The following SNX18 variants were observed in gnomAD, a reference collection of about 807,000 sequenced individuals.
SNX18 encodes the protein sorting nexin 18.
In SNX18, 35 loss-of-function variants were observed where a neutral mutation model predicts 48.7. The observed-to-expected ratio is 0.72, with a 90% CI of 0.55 to 0.95. The LOEUF (loss-of-function observed/expected upper bound fraction) is 0.95, where lower values mean the gene tolerates loss of function less well. SNX18 is among the 40% of genes least tolerant of loss of function. SNX18 has a pLI of 0.00. For missense variants in SNX18, 824 were observed against 871.0 expected (o/e 0.95, Z 0.68); for synonymous variants, 492 against 384.7 (o/e 1.28, Z -3.26).
the SNX18 span, among the ~76,000 whole-genome samples, chr5:54,597,859 G>T: frequency 0.011 from 1,739 of 152,056 alleles, 36 homozygotes; most frequent in African/African-American, 0.041. Context: ...AAACCCCAAA[G>T]CTAGCAGAAG....
chr5:54,558,463 G>A, the SNX18 span, among the ~76,000 whole-genome samples: 1 of 152,124 alleles, frequency 6.6e-6, no homozygotes, highest in Non-Finnish European at 1.5e-5. Context: ...TACAACCCAT[G>A]TTGAGGTAAC....
chr5:54,518,777 G>A lies in SNX18; in HGVS notation c.825G>A (p.Pro275=), dbSNP rs1177053488. 2 of 1,605,728 alleles carry A rather than the reference G, an allele frequency of 1.2e-6. No homozygotes were observed. The highest frequency in any genetic ancestry group is 1.3e-5 in the African/African-American group (1 of 74,744). Residue 275 remains proline (P), a synonymous_variant, in exon 1 of 2, where the codon CCG becomes CCA. Transcript: ENST00000381410. ...CCGAGTGGCAGGAGAACCCCTACCCGTTCCAGTGCACCATCGACGACCCCA... is the reference window on the plus strand; with the variant it reads ...CCGAGTGGCAGGAGAACCCCTACCCATTCCAGTGCACCATCGACGACCCCA... ...YGPEWQENPY[P]FQCTIDDPTK...
intron 1 of SNX18, among the ~76,000 whole-genome samples, chr5:54,540,077 A>G (rs1195801324): frequency 6.6e-6 from 1 of 152,116 alleles, no homozygotes; most frequent in Non-Finnish European, 1.5e-5. Flanking sequence ...TCTAGTATGT[A>G]TGCTTAGGAA....
At chr5:54,585,937 G>A in the SNX18 span, among the ~76,000 whole-genome samples, 589 of 151,628 alleles carry the variant, frequency 3.9e-3, 2 homozygotes, top group African/African-American at 5.1e-3. Context: ...CCTGGGAGGC[G>A]GAGCTTGCAG....
At chr5:54,555,090 C>A in the SNX18 span, among the ~76,000 whole-genome samples, 1 of 152,212 alleles carries the variant, frequency 6.6e-6, no homozygotes. Context: ...TAAACTGTTT[C>A]CTCCGCTGGT....
At chr5:54,539,965 G>A (rs1190786099) in intron 1 of SNX18, among the ~76,000 whole-genome samples, 1 of 151,868 alleles carries the variant, frequency 6.6e-6, no homozygotes, top group African/African-American at 2.4e-5. Context: ...TCCGCCTCCC[G>A]GGTTGAAGTG....
At chr5:54,522,830 T>C (rs1762056209) in intron 1 of SNX18, among the ~76,000 whole-genome samples, 1 of 152,212 alleles carries the variant, frequency 6.6e-6, no homozygotes, top group Admixed American at 6.5e-5. Flanking sequence ...ACCCATTCTT[T>C]AAACTAATAA....
chr5:54,624,800 T>C, the SNX18 span, among the ~76,000 whole-genome samples: 213 of 152,232 alleles, frequency 1.4e-3, no homozygotes, highest in Non-Finnish European at 1.9e-3. Context: ...TCTAAAGCAA[T>C]AGAAAAGTTC....
the SNX18 span, among the ~76,000 whole-genome samples, chr5:54,610,812 G>C: frequency 3.3e-5 from 5 of 152,160 alleles, no homozygotes; most frequent in African/African-American, 1.2e-4. Context: ...CTGGCTGAGG[G>C]GAACATATAG....
chr5:54,612,351 C>G, the SNX18 span, among the ~76,000 whole-genome samples: 2 of 151,752 alleles, frequency 1.3e-5, no homozygotes, highest in Non-Finnish European at 2.9e-5. Flanking sequence ...CTCTGCCTCC[C>G]GGGTTCAAGC....
At chr5:54,527,880 A>G (rs1762165658) in intron 1 of SNX18, among the ~76,000 whole-genome samples, 1 of 152,170 alleles carries the variant, frequency 6.6e-6, no homozygotes. Flanking sequence ...TTTTCCATTT[A>G]TATGATGATG....
At chr5:54,608,355 T>C in the SNX18 span, among the ~76,000 whole-genome samples, 1 of 152,208 alleles carries the variant, frequency 6.6e-6, no homozygotes, top group African/African-American at 2.4e-5. Context: ...CATTTTCTAA[T>C]ATGAACTGTG....
chr5:54,643,443 C>T, the SNX18 span: 3 of 152,102 alleles, frequency 2.0e-5, no homozygotes, highest in South Asian at 4.1e-4. Context: ...TCATGGATTA[C>T]CCTCCTCCCC....
intron 1 of SNX18, among the ~76,000 whole-genome samples, chr5:54,524,483 A>G (rs1762093129): frequency 6.6e-6 from 1 of 152,232 alleles, no homozygotes; most frequent in Non-Finnish European, 1.5e-5. Flanking sequence ...GCATAATGCC[A>G]GAACCCAAAC....
chr5:54,555,315 C>T, the SNX18 span, among the ~76,000 whole-genome samples: 1 of 152,034 alleles, frequency 6.6e-6, no homozygotes, highest in Non-Finnish European at 1.5e-5. Flanking sequence ...TCCTCCTTCT[C>T]TAGTCAGTTG....
chr5:54,519,236 C>A lies in SNX18; in HGVS notation c.1284C>A (p.Ile428=), dbSNP rs2548613. 612,588 of 1,613,824 alleles carry A rather than the reference C, an allele frequency of 0.38. 118,567 individuals are homozygous for A. Among genetic ancestry groups the A allele is most frequent in the African/African-American group, 0.4 (30,253 of 74,972 alleles). The part of the protein sequence containing the change: ...ALDLQEVESK[I]DGFKCFTKKM... ...ACCTGCAGGAGGTGGAGAGCAAGAT[C>A]GACGGCTTCAAGTGCTTCACCAAGA... Residue 428 remains isoleucine, a synonymous_variant, in exon 1 of 2, where the codon ATC becomes ATA. Transcript: ENST00000381410.
chr5:54,555,021 T>A, the SNX18 span, among the ~76,000 whole-genome samples: 89 of 152,348 alleles, frequency 5.8e-4, 2 homozygotes, highest in South Asian at 0.017. Flanking sequence ...GGCTTTCTCA[T>A]GCCACCCCAG....
the SNX18 span, among the ~76,000 whole-genome samples, chr5:54,609,765 T>C: frequency 6.6e-6 from 1 of 152,302 alleles, no homozygotes; most frequent in East Asian, 1.9e-4. Context: ...TGATATAGTT[T>C]GGATGTTTGT....
intron 1 of SNX18, among the ~76,000 whole-genome samples, chr5:54,536,078 A>G (rs1228971168): frequency 6.6e-6 from 1 of 152,188 alleles, no homozygotes; most frequent in Non-Finnish European, 1.5e-5. Context: ...CCTCCTTCAC[A>G]GAGATCCCCT....
Sources: allele counts gnomAD v4.1 joint callset (sites outside exome capture counted in the v4.1 genomes callset), GRCh38; gene constraint gnomAD v4.1.1; transcripts MANE v1.5; gene names NCBI Gene and HGNC (gene_info 2026-07-23, HGNC 2026-07-21).